Variants in GRIN2B observed in about 807,000 individuals in gnomAD.
GRIN2B encodes the protein glutamate ionotropic receptor NMDA type subunit 2B.
In GRIN2B, 5 loss-of-function variants were observed where a neutral mutation model predicts 114.5. That is an observed-to-expected ratio of 0.04 (90% CI 0.02 to 0.09). GRIN2B has a LOEUF of 0.09. GRIN2B is among the 10% of genes least tolerant of loss of function. The pLI is 1.00. For synonymous variants in GRIN2B, 787 were observed against 745.1 expected (o/e 1.06, Z -0.92); for missense variants, 1,108 against 1,943.5 (o/e 0.57, Z 8.08).
Position 13,900,196 on chromosome 12 carries a change from G to A in GRIN2B, c.-18-33970C>T, listed in dbSNP as rs186746890. Among the ~76,000 whole-genome samples, 20 of 152,116 alleles carry A rather than the reference G, an allele frequency of 1.3e-4. No individual in the cohort carries two copies. In the East Asian group the frequency reaches 1.4e-3, roughly 10 times the overall value. On this transcript the variant is annotated intron_variant, in intron 2 of 13. Coordinates refer to ENST00000609686, the MANE Select transcript of GRIN2B (RefSeq NM_000834.5). ...ATACATATAAAAAGTTAATAAGGCC[G>A]GGCACGGTGGCTCATGCCTGTAATC...
intron 4 of GRIN2B, among the ~76,000 whole-genome samples, chr12:13,728,603 CCT>C (rs1863032534): frequency 6.6e-6 from 1 of 151,936 alleles, no homozygotes; most frequent in Non-Finnish European, 1.5e-5. Flanking sequence ...CAATTCACAC[CCT>C]CTTTGTGTGT....
intron 3 of GRIN2B, among the ~76,000 whole-genome samples, chr12:13,793,420 C>CA (rs112983172): frequency 0.78 from 115,683 of 147,580 alleles, 45,082 homozygotes; most frequent in East Asian, 0.87. Flanking sequence ...GACTCTGTCT[C>CA]AAAAAAAAAA....
intron 3 of GRIN2B, among the ~76,000 whole-genome samples, chr12:13,822,597 A>G (rs1864959923): frequency 6.6e-6 from 1 of 152,042 alleles, no homozygotes; most frequent in Non-Finnish European, 1.5e-5. Context: ...CATGCCAAGC[A>G]CTTTACAACA....
intron 10 of GRIN2B, among the ~76,000 whole-genome samples, chr12:13,586,054 T>C (rs7970177): frequency 0.86 from 130,958 of 152,226 alleles, 56,664 homozygotes; most frequent in Non-Finnish European, 0.91. Flanking sequence ...TCAATAACCA[T>C]GTTGGTAGAA....
At chr12:13,797,718 T>C (rs755894930) in intron 3 of GRIN2B, among the ~76,000 whole-genome samples, 2 of 152,208 alleles carry the variant, frequency 1.3e-5, no homozygotes, top group Non-Finnish European at 1.5e-5. Flanking sequence ...GGAGGTAATA[T>C]TCTTGTTTGA....
chr12:13,713,545 C>T (rs750404415), intron 4 of GRIN2B, among the ~76,000 whole-genome samples: 2 of 151,884 alleles, frequency 1.3e-5, no homozygotes, highest in Non-Finnish European at 2.9e-5. Context: ...TGAAATACTT[C>T]CCTAGCGATG....
intron 12 of GRIN2B, among the ~76,000 whole-genome samples, chr12:13,568,067 A>C (rs1372827729): frequency 6.6e-6 from 1 of 152,042 alleles, no homozygotes; most frequent in Non-Finnish European, 1.5e-5. Context: ...AAGAAAATAA[A>C]GAGCAAAGAG....
intron 4 of GRIN2B, among the ~76,000 whole-genome samples, chr12:13,715,865 C>T (rs1213144506): frequency 6.6e-6 from 1 of 151,876 alleles, no homozygotes; most frequent in Non-Finnish European, 1.5e-5. Flanking sequence ...ATGTCAATTT[C>T]CACAGAATTT....
At chr12:13,722,687 G>A (rs80073022) in intron 4 of GRIN2B, among the ~76,000 whole-genome samples, 5,140 of 152,186 alleles carry the variant, frequency 0.034, 289 homozygotes, top group African/African-American at 0.12. Context: ...TTTGAAGTGG[G>A]AGAAAGTTAA....
At chr12:13,977,576 C>T (rs894024018) in intron 2 of GRIN2B, among the ~76,000 whole-genome samples, 3 of 152,134 alleles carry the variant, frequency 2.0e-5, no homozygotes, top group Non-Finnish European at 4.4e-5. Flanking sequence ...TCCCACCAGC[C>T]GCCACCTTTC....
intron 5 of GRIN2B, among the ~76,000 whole-genome samples, chr12:13,622,912 A>AACTT (rs1452248391): frequency 1.3e-5 from 2 of 152,246 alleles, no homozygotes; most frequent in Non-Finnish European, 2.9e-5. Context: ...TTAAGTTTCC[A>AACTT]ACTTAATGAA....
chr12:13,753,579 T>C lies in GRIN2B; in HGVS notation c.748A>G (p.Thr250Ala). Residue 250 changes from threonine (T) to alanine (A), a missense_variant, in exon 4 of 14, where the codon ACT (threonine) becomes GCT (alanine). Coordinates refer to ENST00000609686, the MANE Select transcript of GRIN2B (RefSeq NM_000834.5). The surrounding 1 kb of genome is among the most constrained non-coding windows in gnomAD (Gnocchi z 6.2). ...ACGATCCACGTGTAGCCATAGCCAG[T>C]CAGCCCTACTGAGTTGGCCACTTCA... Reference protein sequence around the residue: ...IFEVANSVGLTGYGYTWIVPS... With the variant: ...IFEVANSVGLAGYGYTWIVPS... 6.2e-7 allele frequency: 1 copy of C among 1,614,204 alleles called. No homozygotes were observed. Among genetic ancestry groups the C allele is most frequent in the Non-Finnish European group, 8.5e-7 (1 of 1,180,030 alleles).
chr12:13,945,850 C>T (rs531900232), intron 2 of GRIN2B, among the ~76,000 whole-genome samples: 2 of 152,170 alleles, frequency 1.3e-5, no homozygotes, highest in Admixed American at 6.6e-5. Flanking sequence ...CCATCTATTA[C>T]TACATTTAAT....
intron 3 of GRIN2B, among the ~76,000 whole-genome samples, chr12:13,830,000 G>A (rs1045775887): frequency 6.6e-6 from 1 of 152,186 alleles, no homozygotes; most frequent in Non-Finnish European, 1.5e-5. Flanking sequence ...AAGAGTCTGT[G>A]TGGCAGTTCT....
At chr12:13,640,692 A>G (rs1949707082) in intron 5 of GRIN2B, among the ~76,000 whole-genome samples, 1 of 152,182 alleles carries the variant, frequency 6.6e-6, no homozygotes, top group African/African-American at 2.4e-5. Flanking sequence ...ACACTATTAA[A>G]TACTTTGAAC....
At chr12:13,863,836 G>GA (rs914882533) in intron 3 of GRIN2B, among the ~76,000 whole-genome samples, 2 of 152,036 alleles carry the variant, frequency 1.3e-5, no homozygotes, top group Non-Finnish European at 2.9e-5. Flanking sequence ...GCCCACATGA[G>GA]AAAAAAATCA....
At chr12:13,570,156 G>A in intron 11 of GRIN2B, 139 bp from the exon 12 acceptor site, 2 of 674,054 alleles carry the variant, frequency 3.0e-6, no homozygotes, top group Middle Eastern at 3.8e-4. Context: ...TTGGAACTCT[G>A]CCAGAATCTA....
intron 5 of GRIN2B, among the ~76,000 whole-genome samples, chr12:13,652,770 T>C (rs1949827510): frequency 6.6e-6 from 1 of 152,124 alleles, no homozygotes; most frequent in Non-Finnish European, 1.5e-5. Context: ...AGTAGCAAGA[T>C]TCTGAAGAAA....
chr12:13,945,326 T>C (rs1043874153), intron 2 of GRIN2B, among the ~76,000 whole-genome samples: 1 of 152,132 alleles, frequency 6.6e-6, no homozygotes, highest in Admixed American at 6.5e-5. Context: ...TTTTATGAGG[T>C]GTTACAATGT....
Sources: allele counts gnomAD v4.1 joint callset (sites outside exome capture counted in the v4.1 genomes callset), GRCh38; gene constraint gnomAD v4.1.1; non-coding constraint Gnocchi (gnomAD v3.1); transcripts MANE v1.5; gene names NCBI Gene and HGNC (gene_info 2026-07-23, HGNC 2026-07-21).